Variants in MAPK4 observed in about 807,000 individuals in gnomAD.
MAPK4 encodes mitogen-activated protein kinase 4.
MAPK4 carries 22 observed loss-of-function variants against 47.7 expected under a neutral mutation model. The observed-to-expected ratio is 0.46, with a 90% CI of 0.33 to 0.66. The LOEUF (loss-of-function observed/expected upper bound fraction) is 0.66. Ranked by LOEUF, MAPK4 falls within the 30% of genes least tolerant of loss-of-function variation. The pLI is 0.02. For missense variants in MAPK4, 736 were observed against 831.7 expected (o/e 0.88, Z 1.42); for synonymous variants, 390 against 365.7 (o/e 1.07, Z -0.76).
intron 2 of MAPK4, among the ~76,000 whole-genome samples, chr18:50,698,651 G>A (rs1909628298): frequency 6.6e-6 from 1 of 152,136 alleles, no homozygotes. Context: ...CCAGACAAGT[G>A]TAATATGAAA....
chr18:50,638,501 G>A (rs2042908957), intron 1 of MAPK4, among the ~76,000 whole-genome samples: 1 of 152,212 alleles, frequency 6.6e-6, no homozygotes, highest in African/African-American at 2.4e-5. Context: ...GCTGCACCCT[G>A]AAGGTTTCCG....
intron 1 of MAPK4, among the ~76,000 whole-genome samples, chr18:50,601,949 T>G (rs963612131): frequency 6.6e-6 from 1 of 152,116 alleles, no homozygotes; most frequent in African/African-American, 2.4e-5. Context: ...CTCCATCCTA[T>G]GGAAAGGACC....
intron 4 of MAPK4, among the ~76,000 whole-genome samples, chr18:50,724,234 A>G (rs1911080354): frequency 6.6e-6 from 1 of 151,804 alleles, no homozygotes; most frequent in South Asian, 2.1e-4. Context: ...GCCAACTACT[A>G]CTCGTCTTGC....
chr18:50,699,376 T>G (rs768270903), intron 2 of MAPK4, among the ~76,000 whole-genome samples: 52 of 152,310 alleles, frequency 3.4e-4, no homozygotes, highest in Non-Finnish European at 6.3e-4. Context: ...ATTGCACTAG[T>G]GGTCCTAGCA....
At chr18:50,599,529 G>A (rs8098724) in intron 1 of MAPK4, among the ~76,000 whole-genome samples, 32,722 of 151,894 alleles carry the variant, frequency 0.22, 3,511 homozygotes, top group South Asian at 0.29. Flanking sequence ...AGCAATTCTC[G>A]TGCCTCAGCC....
In MAPK4 at chr18:50,730,452, C is replaced by G. The variant is rs1911500999; in HGVS notation, c.*598C>G. 1 of 152,622 alleles carries G rather than the reference C, an allele frequency of 6.6e-6. No homozygotes were observed. Among genetic ancestry groups the G allele is most frequent in the Non-Finnish European group, 1.5e-5 (1 of 68,046 alleles). The allele number at this position is 152,622 out of a possible 1,614,324, so 9.5% of individuals were successfully genotyped here. On this transcript the variant is annotated 3_prime_UTR_variant, in exon 6 of 6. Coordinates refer to ENST00000400384, the MANE Select transcript of MAPK4 (RefSeq NM_002747.4). ...CCATTCGATGTTCTTTTATTCAGAG[C>G]AATGTTTCTTGTATTCTGAAACTGG...
intron 3 of MAPK4, among the ~76,000 whole-genome samples, chr18:50,721,412 C>T (rs984102258): frequency 6.6e-6 from 1 of 152,208 alleles, no homozygotes; most frequent in African/African-American, 2.4e-5. Flanking sequence ...CTTCCTTCTC[C>T]CAAGGATCAC....
intron 1 of MAPK4, among the ~76,000 whole-genome samples, chr18:50,579,379 A>G (rs936575281): frequency 1.3e-5 from 2 of 152,158 alleles, no homozygotes; most frequent in Non-Finnish European, 2.9e-5. Context: ...TTCCCCCTAC[A>G]TGAATATTGT....
At chr18:50,576,453 A>G (rs2042297920) in intron 1 of MAPK4, among the ~76,000 whole-genome samples, 3 of 152,216 alleles carry the variant, frequency 2.0e-5, no homozygotes. Flanking sequence ...ACACATGGAC[A>G]CAAAGGAACA....
intron 2 of MAPK4, among the ~76,000 whole-genome samples, chr18:50,671,741 T>A (rs949893191): frequency 1.3e-5 from 2 of 151,558 alleles, no homozygotes; most frequent in African/African-American, 4.9e-5. Flanking sequence ...TAAGAAAAAA[T>A]TAGCCAGGTA....
At chr18:50,641,777 G>T (rs1257490462) in intron 1 of MAPK4, among the ~76,000 whole-genome samples, 2 of 152,236 alleles carry the variant, frequency 1.3e-5, no homozygotes, top group Middle Eastern at 3.4e-3. Flanking sequence ...TAAGAATCAG[G>T]TTCAATGTTC....
intron 2 of MAPK4, among the ~76,000 whole-genome samples, chr18:50,666,134 A>G (rs1880373019): frequency 6.6e-6 from 1 of 152,244 alleles, no homozygotes; most frequent in South Asian, 2.1e-4. Flanking sequence ...GTGAGCTGCA[A>G]CAAGGAAAGA....
At chr18:50,634,677 A>T (rs1237055644) in intron 1 of MAPK4, among the ~76,000 whole-genome samples, 1 of 152,216 alleles carries the variant, frequency 6.6e-6, no homozygotes, top group African/African-American at 2.4e-5. Context: ...AGCCAGGCTC[A>T]GCTTTTAATT....
intron 2 of MAPK4, among the ~76,000 whole-genome samples, chr18:50,710,474 C>T (rs1016250704): frequency 2.0e-5 from 3 of 151,472 alleles, no homozygotes; most frequent in Non-Finnish European, 2.9e-5. Context: ...CAGAGCGAGA[C>T]CCTATCTCAA....
chr18:50,686,525 T>C (rs1908888621), intron 2 of MAPK4, among the ~76,000 whole-genome samples: 1 of 152,230 alleles, frequency 6.6e-6, no homozygotes, highest in South Asian at 2.1e-4. Context: ...GGCTCCCGAT[T>C]TAAGCAAACC....
intron 1 of MAPK4, among the ~76,000 whole-genome samples, chr18:50,651,262 C>T (rs7243892): frequency 0.034 from 5,146 of 152,212 alleles, 276 homozygotes; most frequent in African/African-American, 0.11. Context: ...TTGTCCACTC[C>T]GCACCCAGTC....
At chr18:50,599,528 C>T (rs1239670966) in intron 1 of MAPK4, among the ~76,000 whole-genome samples, 9 of 152,158 alleles carry the variant, frequency 5.9e-5, no homozygotes, top group East Asian at 1.9e-4. Flanking sequence ...AAGCAATTCT[C>T]GTGCCTCAGC....
At position 50,730,291 on chromosome 18, in the gene MAPK4, T is replaced by C. The variant is rs190903705; in HGVS notation, c.*437T>C. On this transcript the variant is annotated 3_prime_UTR_variant, in exon 6 of 6. Coordinates refer to ENST00000400384, the MANE Select transcript of MAPK4 (RefSeq NM_002747.4). The stretch of plus-strand genomic sequence containing the variant: ...CACTCGCTTAAGATCACAGGCTTAG[T>C]GTGAGGACGAGCTTGAAATCCCAGT... The C allele has an allele frequency of 1.6e-3, 252 of 155,682 alleles. 1 individual carries two copies. The highest frequency in any genetic ancestry group is 2.7e-3 in the Non-Finnish European group (191 of 70,018). 9.6% of individuals were successfully genotyped at this position (155,682 alleles called of 1,614,324 possible). A position where few individuals can be genotyped will look rare whatever the true frequency, so the allele number is the denominator to read the frequency against.
chr18:50,632,616 AT>A (rs10531891), intron 1 of MAPK4, among the ~76,000 whole-genome samples: 4,622 of 122,164 alleles, frequency 0.038, 31 homozygotes, highest in African/African-American at 0.052. Flanking sequence ...GTCTGGTTTA[AT>A]TTTTTTTTTT....
Sources: gnomAD v4.1 joint callset for allele counts (sites outside exome capture counted in the v4.1 genomes callset) on GRCh38, gnomAD v4.1.1 for gene constraint, MANE v1.5 for transcripts, NCBI Gene and HGNC (gene_info 2026-07-23, HGNC 2026-07-21) for gene names.